The following SLC39A8 variants were observed in gnomAD, a reference collection of about 807,000 sequenced individuals.
SLC39A8 encodes solute carrier family 39 member 8.
In SLC39A8, 15 loss-of-function variants were observed where a neutral mutation model predicts 40.4. The ratio of observed to expected loss-of-function variants is 0.37; its 90% confidence interval spans 0.25 to 0.57. The LOEUF (loss-of-function observed/expected upper bound fraction) is 0.57. Ranked by LOEUF, SLC39A8 falls within the 20% of genes least tolerant of loss-of-function variation. SLC39A8 has a pLI of 0.75. For missense variants in SLC39A8, 472 were observed against 558.8 expected (o/e 0.84, Z 1.57); for synonymous variants, 223 against 221.6 (o/e 1.01, Z -0.06).
Position 102,305,040 on chromosome 4 carries a change from T to G in SLC39A8, c.624A>C (p.Leu208=). 6.2e-7 allele frequency: 1 copy of G among 1,609,466 alleles called. No homozygotes were observed. Among genetic ancestry groups the G allele is most frequent in the Admixed American group, 1.7e-5 (1 of 59,552 alleles). The change falls in exon 5 of 9, where the codon CTA becomes CTC. Residue 208 remains leucine (L), a synonymous_variant. Coordinates refer to ENST00000356736, the MANE Select transcript of SLC39A8 (RefSeq NM_001135146.2). ...KAVAVFGGFY[L]LFFFERMLKM... ...TTAGCATTCTTTCAAAAAAGAAAAG[T>G]AGGTAAAATCCACCAAACACAGCAA...
chr4:102,281,040 A>C (rs1732846878), intron 6 of SLC39A8, among the ~76,000 whole-genome samples: 1 of 152,196 alleles, frequency 6.6e-6, no homozygotes, highest in Non-Finnish European at 1.5e-5. Flanking sequence ...GACTATTTAT[A>C]CCACTCTAAA....
intron 8 of SLC39A8, among the ~76,000 whole-genome samples, chr4:102,265,997 A>G (rs1732079714): frequency 6.6e-6 from 1 of 152,202 alleles, no homozygotes; most frequent in South Asian, 2.1e-4. Context: ...TATCTTGCTA[A>G]AACACTTTTG....
At chr4:102,322,316 G>T (rs1015922613) in intron 2 of SLC39A8, among the ~76,000 whole-genome samples, 4 of 152,164 alleles carry the variant, frequency 2.6e-5, no homozygotes, top group Admixed American at 2.0e-4. Context: ...AAGCTGATGT[G>T]CACCCTGACT....
intron 4 of SLC39A8, 67 bp downstream of exon 4, chr4:102,307,369 A>G (rs970308785): frequency 6.4e-7 from 1 of 1,558,306 alleles, no homozygotes; most frequent in South Asian, 1.2e-5. Flanking sequence ...GAGGCTAAAA[A>G]CATACAAAGT....
Position 102,314,391 on chromosome 4 carries a change from A to G in SLC39A8, c.382+1277T>C, listed in dbSNP as rs146925206. Among the ~76,000 whole-genome samples the G allele has an allele frequency of 9.6e-4, 146 of 152,182 alleles. 1 individual carries two copies. The highest frequency in any genetic ancestry group is 3.4e-3 in the African/African-American group (140 of 41,548). The stretch of plus-strand genomic sequence containing the variant: ...GGCAGGTGGAATGCCCTTTTAACAG[A>G]TTTGAATGAGATCACAGCATTCCCC... On this transcript the variant is annotated intron_variant, in intron 3 of 8. Coordinates refer to ENST00000356736, the MANE Select transcript of SLC39A8 (RefSeq NM_001135146.2).
At chr4:102,276,164 G>T (rs1483492151) in intron 6 of SLC39A8, among the ~76,000 whole-genome samples, 1 of 151,910 alleles carries the variant, frequency 6.6e-6, no homozygotes, top group Non-Finnish European at 1.5e-5. Context: ...ATTGAGACAT[G>T]AAAAACCCTT....
chr4:102,325,137 C>G (rs1243407454), intron 2 of SLC39A8, among the ~76,000 whole-genome samples: 1 of 152,064 alleles, frequency 6.6e-6, no homozygotes, highest in African/African-American at 2.4e-5. Flanking sequence ...TCCACCTTCT[C>G]TTGAAGTTTT....
At chr4:102,324,266 A>G (rs748571904) in intron 2 of SLC39A8, 4 of 358,818 alleles carry the variant, frequency 1.1e-5, no homozygotes, top group South Asian at 7.8e-5. Flanking sequence ...GTGTTGGTGC[A>G]TGCCTGTAAT....
At chr4:102,309,329 A>G (rs1435301161) in intron 3 of SLC39A8, among the ~76,000 whole-genome samples, 1 of 152,076 alleles carries the variant, frequency 6.6e-6, no homozygotes, top group African/African-American at 2.4e-5. Flanking sequence ...TGTAACCCCG[A>G]GAATCATCAC....
chr4:102,327,088 C>T lies in SLC39A8; in HGVS notation c.220-11258G>A, dbSNP rs1343833392. On this transcript the variant is annotated intron_variant, in intron 2 of 8. Coordinates refer to ENST00000356736, the MANE Select transcript of SLC39A8 (RefSeq NM_001135146.2). ...CTTAAGCCCAGGAGTTCAAAACCAGCTTGAATGACAAAAATAATTAAAAAT... is the reference window on the plus strand; with the variant it reads ...CTTAAGCCCAGGAGTTCAAAACCAGTTTGAATGACAAAAATAATTAAAAAT... 2.0e-5 allele frequency among the ~76,000 whole-genome samples: 3 copies of T among 152,122 alleles called. No homozygotes were observed. In the East Asian group the frequency reaches 5.8e-4, roughly 29 times the overall value.
intron 6 of SLC39A8, among the ~76,000 whole-genome samples, chr4:102,300,657 T>C (rs1733885033): frequency 6.6e-6 from 1 of 152,016 alleles, no homozygotes; most frequent in Non-Finnish European, 1.5e-5. Context: ...AAAACTTTGT[T>C]GAAGCAGTGA....
At chr4:102,326,656 GGTAA>G (rs1201270283) in intron 2 of SLC39A8, among the ~76,000 whole-genome samples, 2 of 152,150 alleles carry the variant, frequency 1.3e-5, no homozygotes, top group African/African-American at 4.8e-5. Flanking sequence ...TTTCTATAAT[GGTAA>G]GTATTAATAG....
At chr4:102,334,289 G>C (rs1735581457) in intron 2 of SLC39A8, among the ~76,000 whole-genome samples, 1 of 152,164 alleles carries the variant, frequency 6.6e-6, no homozygotes, top group South Asian at 2.1e-4. Context: ...TTCAAAATTG[G>C]AATGTCTGGT....
intron 6 of SLC39A8, among the ~76,000 whole-genome samples, chr4:102,293,545 C>T (rs2149026335): frequency 6.6e-6 from 1 of 152,040 alleles, no homozygotes; most frequent in South Asian, 2.1e-4. Context: ...AACCAGTGTA[C>T]TAAAATCAGT....
At chr4:102,322,221 G>T (rs1205137177) in intron 2 of SLC39A8, among the ~76,000 whole-genome samples, 1 of 152,118 alleles carries the variant, frequency 6.6e-6, no homozygotes, top group Non-Finnish European at 1.5e-5. Context: ...AACCATTTCT[G>T]CCGCCATGTG....
chr4:102,321,408 T>C (rs1734962484), intron 2 of SLC39A8, among the ~76,000 whole-genome samples: 3 of 152,206 alleles, frequency 2.0e-5, no homozygotes, highest in Non-Finnish European at 2.9e-5. Context: ...GAATTTCCCG[T>C]GCGTGCAAGG....
At position 102,277,765 on chromosome 4, in the gene SLC39A8, A is replaced by G. The variant is rs577046133; in HGVS notation, c.841-9686T>C. Among the ~76,000 whole-genome samples the G allele has an allele frequency of 5.9e-5, 9 of 152,352 alleles. No homozygotes were observed. The South Asian group carries it at 1.0e-3, about 18-fold the overall frequency. The stretch of plus-strand genomic sequence containing the variant: ...ACAAGGCTACAGTAACCAAGACAGC[A>G]TAGTACTGGTACCAAAACAGATATA... On this transcript the variant is annotated intron_variant, in intron 6 of 8. Transcript: ENST00000356736.
intron 2 of SLC39A8, among the ~76,000 whole-genome samples, chr4:102,339,258 C>T (rs1250779462): frequency 6.6e-6 from 1 of 151,938 alleles, no homozygotes; most frequent in Non-Finnish European, 1.5e-5. Context: ...AGTTTCTCAC[C>T]TGAACAAGCA....
chr4:102,331,176 G>A (rs920637133), intron 2 of SLC39A8, among the ~76,000 whole-genome samples: 1 of 152,258 alleles, frequency 6.6e-6, no homozygotes, highest in Admixed American at 6.5e-5. Context: ...TCTGGCCAGG[G>A]CAATCAGGCA....
Sources: allele counts gnomAD v4.1 joint callset (sites outside exome capture counted in the v4.1 genomes callset), GRCh38; gene constraint gnomAD v4.1.1; transcripts MANE v1.5; gene names NCBI Gene and HGNC (gene_info 2026-07-23, HGNC 2026-07-21).